ZYG11B: variants seen among roughly 807,000 people sequenced by gnomAD.
The protein encoded by ZYG11B is zyg-11 family member B, cell cycle regulator, also known as protein zyg-11 homolog B.
Under a neutral mutation model 82.4 loss-of-function variants are expected in ZYG11B, and 36 were observed. The observed-to-expected ratio is 0.44, with a 90% confidence interval of 0.33 to 0.58. The LOEUF (loss-of-function observed/expected upper bound fraction) is 0.58. ZYG11B is among the 20% of genes least tolerant of loss of function. The probability of loss-of-function intolerance (pLI) is 0.02; values close to 1 mark genes in which losing one functional copy is unlikely to be tolerated. For synonymous variants in ZYG11B, 303 were observed against 312.8 expected, an observed-to-expected ratio of 0.97 and a Z score of 0.33; for missense variants, 552 against 895.6, an observed-to-expected ratio of 0.62 and a Z score of 4.90.
chr1:52,780,195 A>G (rs1192164591), intron 4 of ZYG11B, among the ~76,000 whole-genome samples: 1 of 152,214 alleles, frequency 6.6e-6, no homozygotes, highest in African/African-American at 2.4e-5. Context: ...TAATCTCATT[A>G]AGCAATATAA....
intron 2 of ZYG11B, among the ~76,000 whole-genome samples, chr1:52,765,728 C>G (rs1179812109): frequency 1.3e-5 from 2 of 151,988 alleles, no homozygotes; most frequent in Non-Finnish European, 2.9e-5. Context: ...GTCTCAAACT[C>G]CTGGCCTCGG....
intron 2 of ZYG11B, among the ~76,000 whole-genome samples, chr1:52,763,021 G>C (rs399266): frequency 6.7e-6 from 1 of 150,350 alleles, no homozygotes; most frequent in Non-Finnish European, 1.5e-5. Flanking sequence ...TGGATATCCA[G>C]CCTTCCCAGC....
intron 2 of ZYG11B, among the ~76,000 whole-genome samples, chr1:52,764,873 C>T (rs1031895326): frequency 2.6e-5 from 4 of 152,100 alleles, no homozygotes; most frequent in South Asian, 4.2e-4. Flanking sequence ...GCGGGCTCCT[C>T]GGCACTGCCC....
chr1:52,803,193 TATATATATATACACACAC>T (rs1558140385), intron 10 of ZYG11B, among the ~76,000 whole-genome samples: 724 of 41,688 alleles, frequency 0.017, 85 homozygotes, highest in African/African-American at 0.087. Context: ...TATATACACA[TATATATATATACACACAC>T]ATATATATAT....
chr1:52,735,433 G>C (rs542551402), intron 1 of ZYG11B, among the ~76,000 whole-genome samples: 40 of 152,294 alleles, frequency 2.6e-4, no homozygotes, highest in African/African-American at 8.4e-4. Flanking sequence ...CTAAGTAATT[G>C]TGATTAAGAT....
Position 52,771,471 on chromosome 1 carries a change from G to T in ZYG11B, c.648G>T (p.Met216Ile), listed in dbSNP as rs1216442297. The T allele has an allele frequency of 6.2e-7, 1 of 1,613,344 alleles. No individual in the cohort carries two copies. The highest frequency in any genetic ancestry group is 2.2e-5 in the East Asian group (1 of 44,894). ...ACKDRLKSLT[M>I]HHLKCLKMTT... is the part of the protein sequence containing the mutation. The stretch of plus-strand genomic sequence containing the variant: ...AAGACCGACTCAAGTCTCTAACCAT[G>T]CACCACTTGAAATGTTTAAAAATGA... The change falls in exon 3 of 14, where the codon ATG (methionine) becomes ATT (isoleucine). Residue 216 changes from methionine to isoleucine, a missense_variant. By Grantham distance (10) the Met-to-Ile change is conservative. Transcript: ENST00000294353. This position sits in a 1 kb window ranked among gnomAD's most constrained non-coding sequence, Gnocchi z 5.4.
At chr1:52,805,886 A>AT (rs1571796191) in intron 10 of ZYG11B, among the ~76,000 whole-genome samples, 1 of 151,698 alleles carries the variant, frequency 6.6e-6, no homozygotes, top group East Asian at 1.9e-4. Flanking sequence ...AAACCTATAT[A>AT]TTTTTTTAAA....
At chr1:52,785,525 C>T (rs1450447424) in intron 5 of ZYG11B, among the ~76,000 whole-genome samples, 4 of 152,136 alleles carry the variant, frequency 2.6e-5, no homozygotes, top group Admixed American at 2.6e-4. Context: ...GGCGCGATCT[C>T]AACTCACTGC....
At chr1:52,745,907 TG>T (rs1247816213) in intron 1 of ZYG11B, among the ~76,000 whole-genome samples, 1 of 151,902 alleles carries the variant, frequency 6.6e-6, no homozygotes, top group African/African-American at 2.4e-5. Context: ...TTACTCTTGT[TG>T]CCCAGGCTGG....
At chr1:52,802,878 G>T (rs1425122875) in intron 10 of ZYG11B, among the ~76,000 whole-genome samples, 1 of 150,702 alleles carries the variant, frequency 6.6e-6, no homozygotes, top group East Asian at 1.9e-4. Context: ...AAATTAGCTG[G>T]GTGCGGTGGC....
intron 5 of ZYG11B, among the ~76,000 whole-genome samples, chr1:52,789,777 A>G (rs1644941044): frequency 5.3e-5 from 8 of 152,106 alleles, no homozygotes; most frequent in Admixed American, 5.2e-4. Context: ...TATCCTATTT[A>G]TGGCCCTATT....
At chr1:52,751,560 G>T (rs1432703706) in intron 1 of ZYG11B, among the ~76,000 whole-genome samples, 1 of 152,050 alleles carries the variant, frequency 6.6e-6, no homozygotes, top group African/African-American at 2.4e-5. Context: ...AACCTGACGT[G>T]AGGCAGAGGT....
chr1:52,761,838 G>A (rs1644634216), intron 2 of ZYG11B, among the ~76,000 whole-genome samples: 1 of 152,108 alleles, frequency 6.6e-6, no homozygotes, highest in East Asian at 1.9e-4. Context: ...TCCAGTATTT[G>A]TTATTTTTTG....
chr1:52,750,254 T>G (rs1022413098), intron 1 of ZYG11B, among the ~76,000 whole-genome samples: 2 of 148,014 alleles, frequency 1.4e-5, no homozygotes, highest in African/African-American at 5.1e-5. Context: ...TGAGCCACTC[T>G]GCCTGGCCCC....
At chr1:52,743,295 A>G (rs1644448957) in intron 1 of ZYG11B, among the ~76,000 whole-genome samples, 2 of 151,186 alleles carry the variant, frequency 1.3e-5, no homozygotes, top group African/African-American at 4.9e-5. Context: ...TAGGAAAACC[A>G]GAGACCCTTG....
At chr1:52,776,670 G>A (rs1490027287) in intron 3 of ZYG11B, among the ~76,000 whole-genome samples, 1 of 152,036 alleles carries the variant, frequency 6.6e-6, no homozygotes. Flanking sequence ...ACCAAATGTG[G>A]GTAAAGGAAG....
At chr1:52,778,688 GT>G (rs1407302661) in intron 3 of ZYG11B, among the ~76,000 whole-genome samples, 1 of 152,070 alleles carries the variant, frequency 6.6e-6, no homozygotes, top group Non-Finnish European at 1.5e-5. Context: ...TCACTTACTA[GT>G]TGGATTACTT....
chr1:52,734,559 A>T (rs1241580817), intron 1 of ZYG11B, among the ~76,000 whole-genome samples: 1 of 151,402 alleles, frequency 6.6e-6, no homozygotes, highest in Non-Finnish European at 1.5e-5. Context: ...CTGAGGCAGG[A>T]GAACCACTTG....
chr1:52,809,120 C>G (rs567218011), intron 10 of ZYG11B, among the ~76,000 whole-genome samples: 1 of 152,012 alleles, frequency 6.6e-6, no homozygotes, highest in Admixed American at 6.6e-5. Flanking sequence ...ACTTGGCATG[C>G]TTAGGTTTTA....
Sources: gnomAD v4.1 joint callset for allele counts (sites outside exome capture counted in the v4.1 genomes callset) on GRCh38, gnomAD v4.1.1 for gene constraint, Gnocchi (gnomAD v3.1) non-coding constraint, MANE v1.5 for transcripts, NCBI Gene and HGNC (gene_info 2026-07-23, HGNC 2026-07-21) for gene names.